The following MAPRE2 variants were observed in gnomAD, a reference collection of about 807,000 sequenced individuals.
MAPRE2 encodes the protein microtubule associated protein RP/EB family member 2.
MAPRE2 carries 13 observed loss-of-function variants against 43.2 expected under a neutral mutation model. That is an observed-to-expected ratio of 0.30 (90% confidence interval 0.20 to 0.48). The LOEUF is 0.48. MAPRE2 is among the 20% of genes least tolerant of loss of function. The pLI is 0.99. For synonymous variants in MAPRE2, 135 were observed against 148.8 expected (o/e 0.91, Z 0.68); for missense variants, 161 against 400.2 (o/e 0.40, Z 5.10).
intron 6 of MAPRE2, among the ~76,000 whole-genome samples, chr18:35,133,813 A>T (rs1910270608): frequency 6.6e-6 from 1 of 152,164 alleles, no homozygotes; most frequent in African/African-American, 2.4e-5. Context: ...CTCAGGCAAG[A>T]GCCCTTGCCT....
chr18:35,100,957 T>G (rs934971969), intron 3 of MAPRE2, among the ~76,000 whole-genome samples: 4 of 152,194 alleles, frequency 2.6e-5, no homozygotes, highest in Non-Finnish European at 5.9e-5. Context: ...GAGAATTGCT[T>G]GAACCCAGGA....
At chr18:34,994,692 T>A (rs1363729964) in intron 1 of MAPRE2, among the ~76,000 whole-genome samples, 1 of 152,198 alleles carries the variant, frequency 6.6e-6, no homozygotes, top group East Asian at 1.9e-4. Flanking sequence ...TCAAATTCAA[T>A]AATAATAATG....
At chr18:34,985,492 AT>A (rs1465580968) in intron 1 of MAPRE2, among the ~76,000 whole-genome samples, 1 of 45,276 alleles carries the variant, frequency 2.2e-5, no homozygotes, top group African/African-American at 9.3e-5. Flanking sequence ...TATATATTGT[AT>A]ATTATATAAT....
chr18:35,030,625 A>G (rs1287024234), intron 2 of MAPRE2, among the ~76,000 whole-genome samples: 1 of 152,216 alleles, frequency 6.6e-6, no homozygotes, highest in East Asian at 1.9e-4. Flanking sequence ...AAGTATTCAA[A>G]TATTAGGTGT....
At chr18:35,130,766 A>G (rs1293535987) in intron 5 of MAPRE2, among the ~76,000 whole-genome samples, 1 of 152,176 alleles carries the variant, frequency 6.6e-6, no homozygotes, top group Non-Finnish European at 1.5e-5. Flanking sequence ...GGAACGGGGT[A>G]ATAGTTTGGG....
chr18:34,990,248 G>T (rs867787963), intron 1 of MAPRE2, among the ~76,000 whole-genome samples: 1 of 152,238 alleles, frequency 6.6e-6, no homozygotes, highest in African/African-American at 2.4e-5. Flanking sequence ...ATGCTTCTCT[G>T]TGAATAACTT....
intron 2 of MAPRE2, among the ~76,000 whole-genome samples, chr18:35,077,425 T>C (rs1039861928): frequency 6.6e-6 from 1 of 152,218 alleles, no homozygotes; most frequent in African/African-American, 2.4e-5. Context: ...AATGCTATTG[T>C]ATCTACCCTA....
intron 5 of MAPRE2, among the ~76,000 whole-genome samples, chr18:35,128,061 A>G (rs1404154437): frequency 6.6e-6 from 1 of 152,208 alleles, no homozygotes; most frequent in African/African-American, 2.4e-5. Flanking sequence ...ATTCTTGATG[A>G]GCCAGCAAGA....
chr18:35,031,295 G>T (rs2097047727), intron 2 of MAPRE2, among the ~76,000 whole-genome samples: 2 of 152,136 alleles, frequency 1.3e-5, no homozygotes, highest in Admixed American at 6.5e-5. Flanking sequence ...GAATGATTGA[G>T]GACTAATTAA....
At chr18:35,074,231 T>C (rs765774266) in intron 2 of MAPRE2, among the ~76,000 whole-genome samples, 2 of 152,214 alleles carry the variant, frequency 1.3e-5, no homozygotes, top group Non-Finnish European at 2.9e-5. Context: ...GTTCAGCTTA[T>C]AGATATTTTA....
chr18:35,070,395 C>A, intron 2 of MAPRE2, 73 bp downstream of exon 2: 2 of 1,332,066 alleles, frequency 1.5e-6, no homozygotes, highest in Non-Finnish European at 2.0e-6. Context: ...TTATGAACCA[C>A]AGCTGCTATA....
intron 1 of MAPRE2, among the ~76,000 whole-genome samples, chr18:34,991,276 G>A (rs144635580): frequency 4.4e-4 from 67 of 152,104 alleles, no homozygotes; most frequent in African/African-American, 1.6e-3. Flanking sequence ...TGTACCCACT[G>A]TTTAGCTCCC....
At chr18:35,052,445 A>G (rs1905992119) in intron 1 of MAPRE2, among the ~76,000 whole-genome samples, 1 of 152,204 alleles carries the variant, frequency 6.6e-6, no homozygotes, top group Non-Finnish European at 1.5e-5. Context: ...TGGCTATACC[A>G]TATTTTGTTT....
At chr18:35,009,401 T>TA in intron 2 of MAPRE2, among the ~76,000 whole-genome samples, 1 of 152,274 alleles carries the variant, frequency 6.6e-6, no homozygotes, top group African/African-American at 2.4e-5. Flanking sequence ...GAATATTTTT[T>TA]AAAAAATCAT....
intron 4 of MAPRE2, among the ~76,000 whole-genome samples, chr18:35,105,849 G>C (rs1317988243): frequency 6.6e-6 from 1 of 151,910 alleles, no homozygotes; most frequent in African/African-American, 2.4e-5. Context: ...TTGCCTCTCA[G>C]TAGTCTTTAG....
chr18:35,018,404 G>A (rs1440601893), intron 2 of MAPRE2, among the ~76,000 whole-genome samples: 1 of 151,604 alleles, frequency 6.6e-6, no homozygotes, highest in East Asian at 1.9e-4. Context: ...TTGTATATCT[G>A]CTAGAATTTG....
chr18:35,005,877 A>G (rs923347512), intron 2 of MAPRE2, among the ~76,000 whole-genome samples: 2 of 152,188 alleles, frequency 1.3e-5, no homozygotes, highest in African/African-American at 4.8e-5. Flanking sequence ...TGACATCGCT[A>G]TTTATAAATA....
upstream of MAPRE2, among the ~76,000 whole-genome samples, chr18:35,036,853 G>A (rs994696424): frequency 6.6e-6 from 1 of 152,152 alleles, no homozygotes; most frequent in Non-Finnish European, 1.5e-5. Flanking sequence ...TCCTGTTCTA[G>A]GAACTGCAGA....
At chr18:34,979,704 T>A (rs1568958751) in intron 1 of MAPRE2, among the ~76,000 whole-genome samples, 2 of 152,244 alleles carry the variant, frequency 1.3e-5, no homozygotes, top group East Asian at 3.9e-4. Context: ...TGATTATACA[T>A]CCAGGAGTGA....
Sources: allele counts gnomAD v4.1 joint callset (sites outside exome capture counted in the v4.1 genomes callset), GRCh38; gene constraint gnomAD v4.1.1; transcripts MANE v1.5; gene names NCBI Gene and HGNC (gene_info 2026-07-23, HGNC 2026-07-21).